The following GAPVD1 variants were observed in gnomAD, a reference collection of about 807,000 sequenced individuals.
GAPVD1 encodes the protein GTPase-activating protein and VPS9 domain-containing protein 1.
In GAPVD1, 35 loss-of-function variants were observed where a neutral mutation model predicts 155.5. The observed-to-expected ratio is 0.23, with a 90% CI of 0.17 to 0.30. The LOEUF (loss-of-function observed/expected upper bound fraction) is 0.30. Ranked by LOEUF, GAPVD1 falls within the 10% of genes least tolerant of loss-of-function variation. GAPVD1 has a pLI of 1.00. For missense variants in GAPVD1, 1,429 were observed against 1,775.7 expected, an observed-to-expected ratio of 0.80 and a Z score of 3.51; for synonymous variants, 636 against 619.7, an observed-to-expected ratio of 1.03 and a Z score of -0.39.
At chr9:125,305,683 C>T (rs968171378) in intron 6 of GAPVD1, among the ~76,000 whole-genome samples, 7 of 151,418 alleles carry the variant, frequency 4.6e-5, no homozygotes, top group African/African-American at 1.2e-4. Context: ...TTTAAATTTT[C>T]GAGTCAGTGT....
intron 4 of GAPVD1, among the ~76,000 whole-genome samples, chr9:125,299,429 G>C (rs913651266): frequency 6.6e-6 from 1 of 152,164 alleles, no homozygotes; most frequent in Non-Finnish European, 1.5e-5. Flanking sequence ...AGGCCAAGGC[G>C]GGTGGATCAT....
chr9:125,329,425 T>G (rs1845755418), intron 12 of GAPVD1, among the ~76,000 whole-genome samples: 1 of 152,222 alleles, frequency 6.6e-6, no homozygotes, highest in Non-Finnish European at 1.5e-5. Context: ...CTGTAAAATT[T>G]GCTGAGAAAT....
At chr9:125,347,315 C>T (rs1848634061) in intron 20 of GAPVD1, among the ~76,000 whole-genome samples, 1 of 152,164 alleles carries the variant, frequency 6.6e-6, no homozygotes, top group Non-Finnish European at 1.5e-5. Context: ...ACAAGTTATC[C>T]ATTGTCACCT....
intron 12 of GAPVD1, among the ~76,000 whole-genome samples, chr9:125,329,188 A>G (rs1845716719): frequency 1.3e-5 from 2 of 152,206 alleles, no homozygotes; most frequent in South Asian, 4.1e-4. Flanking sequence ...CCAGATGCCA[A>G]AGTGGTATTG....
chr9:125,321,497 A>T lies in GAPVD1; in HGVS notation c.1667A>T (p.His556Leu). 1 of 1,613,068 alleles carries T rather than the reference A, an allele frequency of 6.2e-7. No homozygotes were observed. The highest frequency in any genetic ancestry group is 8.5e-7 in the Non-Finnish European group (1 of 1,179,016). ...GDVPVDENKLHGKPDKTLRFS... is the reference protein window; with the variant it reads ...GDVPVDENKLLGKPDKTLRFS... The stretch of plus-strand genomic sequence containing the variant: ...GTCCCTGTTGATGAAAACAAACTCC[A>T]TGGTAAACCTGATAAAACCTTGCGC... The change falls in exon 10 of 28, where the codon CAT becomes CTT. Residue 556 changes from histidine (H) to leucine (L), a missense_variant. His to Leu is a moderately conservative substitution (Grantham distance 99). Around this residue, in one of 4 missense-constraint regions of GAPVD1, gnomAD observed 628 missense variants for 733.4 expected, o/e 0.86. Transcript: ENST00000297933.
Position 125,302,827 on chromosome 9 carries a change from G to GTA in GAPVD1, c.1029+3_1029+4dup. ...AGTAGCACGATTTAATCTGATGCAGGTATGCTTTTGCTATTATTATTAACG... is the reference window on the plus strand; with the variant it reads ...AGTAGCACGATTTAATCTGATGCAGGTATATGCTTTTGCTATTATTATTAACG... On this transcript the variant is annotated splice_donor_variant, in intron 5 of 27. Coordinates refer to ENST00000297933, the MANE Select transcript of GAPVD1 (RefSeq NM_001282680.3). LOFTEE classifies it high-confidence loss of function. 1 of 1,583,832 alleles carries GTA rather than the reference G, an allele frequency of 6.3e-7. No individual in the cohort carries two copies. The highest frequency in any genetic ancestry group is 8.6e-7 in the Non-Finnish European group (1 of 1,165,204).
At chr9:125,344,631 C>T (rs1176307798) in intron 19 of GAPVD1, among the ~76,000 whole-genome samples, 1 of 151,936 alleles carries the variant, frequency 6.6e-6, no homozygotes, top group Non-Finnish European at 1.5e-5. Context: ...TTTTTCAGAC[C>T]TCTCAACAGC....
In GAPVD1 at chr9:125,362,766, A is replaced by C; in HGVS notation, c.*20A>C. On this transcript the variant is annotated 3_prime_UTR_variant, in exon 28 of 28. Coordinates refer to ENST00000297933, the MANE Select transcript of GAPVD1 (RefSeq NM_001282680.3). ...AAGTGACCAAGACCAAGGCCCACCA[A>C]GGCAGCAGACTGTTAATCAGACAAA... is the stretch of plus-strand genomic sequence containing the variant. 6.2e-7 allele frequency: 1 copy of C among 1,610,260 alleles called. No homozygotes were observed. Among genetic ancestry groups the C allele is most frequent in the Non-Finnish European group, 8.5e-7 (1 of 1,177,988 alleles).
Position 125,364,475 on chromosome 9 carries a change from A to G in GAPVD1, c.*1729A>G, listed in dbSNP as rs936307676. 8 of 152,124 alleles carry G rather than the reference A, an allele frequency of 5.3e-5. No homozygotes were observed. Among genetic ancestry groups the G allele is most frequent in the African/African-American group, 1.9e-4 (8 of 41,398 alleles). 9.4% of individuals were successfully genotyped at this position (152,124 alleles called of 1,614,324 possible). ...GGCCAGGATGATCCTCAATCTCCTG[A>G]CCTCGTGATCCACCCGCCTTGGCCT... On this transcript the variant is annotated 3_prime_UTR_variant, in exon 28 of 28. Transcript: ENST00000297933.
At chr9:125,331,526 A>G (rs983717603) in intron 13 of GAPVD1, among the ~76,000 whole-genome samples, 2 of 152,152 alleles carry the variant, frequency 1.3e-5, no homozygotes, top group Admixed American at 6.5e-5. Context: ...AAGCATTCAG[A>G]TATGCTAGCC....
chr9:125,305,821 G>A (rs1198922325), intron 6 of GAPVD1, among the ~76,000 whole-genome samples: 1 of 151,884 alleles, frequency 6.6e-6, no homozygotes, highest in Non-Finnish European at 1.5e-5. Flanking sequence ...GCCCGGCTAA[G>A]TGTTTTTATT....
intron 12 of GAPVD1, among the ~76,000 whole-genome samples, chr9:125,329,486 A>C (rs1010620510): frequency 6.6e-6 from 1 of 152,214 alleles, no homozygotes; most frequent in Non-Finnish European, 1.5e-5. Flanking sequence ...TGTTTTCTCT[A>C]TGGAGAGTCA....
chr9:125,339,381 T>C (rs1411855400), intron 17 of GAPVD1, among the ~76,000 whole-genome samples: 3 of 152,244 alleles, frequency 2.0e-5, no homozygotes, highest in African/African-American at 7.2e-5. Context: ...CCCTTCAGGC[T>C]GGCTCCTGAG....
chr9:125,355,911 T>G lies in GAPVD1; in HGVS notation c.3971+54T>G, dbSNP rs1490552201. On this transcript the variant is annotated intron_variant, in intron 25 of 27. Transcript: ENST00000297933. ...TGGAACTACATAGGGATCTACCAGG[T>G]AGCCCATATTTTAGGCAAGCTATAC... is the stretch of plus-strand genomic sequence containing the variant. 3 of 989,250 alleles carry G rather than the reference T, an allele frequency of 3.0e-6. No homozygotes were observed. The African/African-American group carries it at 4.8e-5, about 16-fold the overall frequency. 61.3% of individuals were successfully genotyped at this position (989,250 alleles called of 1,614,324 possible).
chr9:125,341,420 A>G (rs1189168440), intron 18 of GAPVD1, 156 bp downstream of exon 18: 2 of 557,614 alleles, frequency 3.6e-6, no homozygotes, highest in African/African-American at 3.8e-5. Context: ...ACTCAGATGA[A>G]TGCTAAGGCA....
At position 125,301,978 on chromosome 9, in the gene GAPVD1, TTTA is replaced by T; in HGVS notation, c.186-4_186-2del. ...CTTGTTTGCTCTTTTTTTTTTTTTT[TTTA>T]GTGCTGAAGCTTCCCCTGCTGAATG... On this transcript the variant is annotated splice_acceptor_variant and splice_polypyrimidine_tract_variant and intron_variant, in intron 4 of 27. Transcript: ENST00000297933. LOFTEE classifies it high-confidence loss of function. The T allele has an allele frequency of 6.5e-7, 1 of 1,540,542 alleles. No individual in the cohort carries two copies. The highest frequency in any genetic ancestry group is 8.7e-7 in the Non-Finnish European group (1 of 1,152,500).
chr9:125,308,347 C>CAA (rs5900650), intron 8 of GAPVD1: 6 of 133,828 alleles, frequency 4.5e-5, no homozygotes, highest in African/African-American at 8.2e-5. Context: ...GACCCTATCT[C>CAA]AAAAAAAAAA....
intron 2 of GAPVD1, among the ~76,000 whole-genome samples, chr9:125,283,109 G>A (rs986855384): frequency 6.6e-6 from 1 of 150,638 alleles, no homozygotes. Context: ...GCCCAGGCTG[G>A]AGTGCAATGG....
At chr9:125,348,062 G>GT (rs1051999103) in intron 20 of GAPVD1, among the ~76,000 whole-genome samples, 4 of 151,860 alleles carry the variant, frequency 2.6e-5, no homozygotes, top group African/African-American at 7.3e-5. Context: ...TTTTGTTTTT[G>GT]TTTTTTTGTG....
Sources: allele counts gnomAD v4.1 joint callset (sites outside exome capture counted in the v4.1 genomes callset), GRCh38; gene constraint gnomAD v4.1.1; regional missense constraint gnomAD v4.1.1; transcripts MANE v1.5; gene names NCBI Gene and HGNC (gene_info 2026-07-23, HGNC 2026-07-21).